Variants in KLF13 observed in about 807,000 individuals in gnomAD.
KLF13 encodes the protein Krueppel-like factor 13.
A neutral mutation model predicts 16.7 loss-of-function variants in KLF13; 8 were observed. The ratio of observed to expected loss-of-function variants is 0.48; its 90% CI spans 0.28 to 0.87. The LOEUF (loss-of-function observed/expected upper bound fraction) is 0.87, where lower values mean the gene tolerates loss of function less well. Ranked by LOEUF, KLF13 falls within the 40% of genes least tolerant of loss-of-function variation. The pLI is 0.10. For synonymous variants in KLF13, 245 were observed against 208.4 expected, an observed-to-expected ratio of 1.18 and a Z score of -1.51; for missense variants, 447 against 452.2, an observed-to-expected ratio of 0.99 and a Z score of 0.10.
intron 1 of KLF13, among the ~76,000 whole-genome samples, chr15:31,340,930 G>A (rs2039012014): frequency 6.6e-6 from 1 of 152,146 alleles, no homozygotes; most frequent in Non-Finnish European, 1.5e-5. Context: ...AGTGTTAAAG[G>A]AGTCCAAAAC....
intron 1 of KLF13, among the ~76,000 whole-genome samples, chr15:31,338,533 C>T (rs529190840): frequency 6.6e-5 from 10 of 152,314 alleles, no homozygotes; most frequent in South Asian, 2.1e-4. Flanking sequence ...ACTTAAAGGC[C>T]GGTCTCTACA....
At chr15:31,405,104 T>G (rs965782420), downstream of KLF13, among the ~76,000 whole-genome samples, 23 of 152,122 alleles carry the variant, frequency 1.5e-4, no homozygotes, top group African/African-American at 4.8e-4. Flanking sequence ...GAGGAAACTT[T>G]GGGAGGTGAC....
chr15:31,408,009 C>G (rs1276206904), downstream of KLF13, among the ~76,000 whole-genome samples: 1 of 152,110 alleles, frequency 6.6e-6, no homozygotes, highest in Non-Finnish European at 1.5e-5. Context: ...TCTATTATTA[C>G]TTAATATATT....
intron 1 of KLF13, among the ~76,000 whole-genome samples, chr15:31,431,297 A>G (rs1008959421): frequency 3.9e-5 from 6 of 152,126 alleles, no homozygotes; most frequent in Non-Finnish European, 7.3e-5. Flanking sequence ...TAAGCCATCC[A>G]GTGTGTGGTA....
chr15:31,418,520 A>G (rs577340034), intron 1 of KLF13, among the ~76,000 whole-genome samples: 175 of 152,284 alleles, frequency 1.1e-3, no homozygotes, highest in Non-Finnish European at 2.0e-3. Context: ...TGCACAAATA[A>G]CACTATCAAG....
At chr15:31,420,139 AGACCAT>A (rs1303378989) in intron 1 of KLF13, 2 of 454,110 alleles carry the variant, frequency 4.4e-6, no homozygotes, top group Admixed American at 2.9e-5. Flanking sequence ...TGGTCTCCCA[AGACCAT>A]AACCCAGCAG....
intron 1 of KLF13, among the ~76,000 whole-genome samples, chr15:31,410,621 AC>A (rs1566842504): frequency 1.4e-5 from 2 of 144,740 alleles, no homozygotes; most frequent in African/African-American, 2.6e-5. Flanking sequence ...ACACACACAC[AC>A]ACACCCCTAT....
At chr15:31,340,976 G>A (rs953470078) in intron 1 of KLF13, among the ~76,000 whole-genome samples, 1 of 152,188 alleles carries the variant, frequency 6.6e-6, no homozygotes, top group Admixed American at 6.5e-5. Context: ...GAGACCCAGC[G>A]CCCCTGTGCC....
chr15:31,405,316 A>G (rs2040109456), downstream of KLF13, among the ~76,000 whole-genome samples: 1 of 152,240 alleles, frequency 6.6e-6, no homozygotes, highest in African/African-American at 2.4e-5. Context: ...TCCGTCTCAA[A>G]AAAACAGAAG....
intron 1 of KLF13, among the ~76,000 whole-genome samples, chr15:31,351,067 A>G (rs1258995902): frequency 6.6e-6 from 1 of 152,216 alleles, no homozygotes; most frequent in Non-Finnish European, 1.5e-5. Context: ...GACCTGGCGC[A>G]GATTCTGAGT....
chr15:31,353,485 C>T (rs2039249340), intron 1 of KLF13, among the ~76,000 whole-genome samples: 1 of 152,228 alleles, frequency 6.6e-6, no homozygotes. Flanking sequence ...GGCCTGGTCC[C>T]ACCAGGGCTT....
chr15:31,335,485 G>C (rs1416527399), intron 1 of KLF13, among the ~76,000 whole-genome samples: 1 of 146,468 alleles, frequency 6.8e-6, no homozygotes, highest in South Asian at 2.2e-4. Context: ...GTATGGTGGC[G>C]GGGCAGGGGG....
intron 1 of KLF13, among the ~76,000 whole-genome samples, chr15:31,429,700 TTTA>T (rs2040447273): frequency 7.4e-3 from 3 of 408 alleles, no homozygotes; most frequent in Non-Finnish European, 0.015. Flanking sequence ...GATTCTTTTA[TTTA>T]TTTATTTATT....
At chr15:31,381,777 G>A (rs2039729664), downstream of KLF13, among the ~76,000 whole-genome samples, 3 of 152,194 alleles carry the variant, frequency 2.0e-5, no homozygotes, top group South Asian at 6.2e-4. Flanking sequence ...CAACTATTCA[G>A]CTTTAAAAAG....
chr15:31,368,550 A>T (rs1032857380), intron 1 of KLF13, among the ~76,000 whole-genome samples: 8 of 152,216 alleles, frequency 5.3e-5, no homozygotes, highest in Non-Finnish European at 7.3e-5. Context: ...AAACAAATAC[A>T]TAGGATTTTT....
intron 1 of KLF13, among the ~76,000 whole-genome samples, chr15:31,339,200 G>A (rs943577814): frequency 2.6e-5 from 4 of 152,144 alleles, no homozygotes; most frequent in African/African-American, 4.8e-5. Context: ...AGTGCTCCTG[G>A]CTAGAGAAGT....
At chr15:31,364,678 C>A (rs1339463816) in intron 1 of KLF13, among the ~76,000 whole-genome samples, 1 of 152,236 alleles carries the variant, frequency 6.6e-6, no homozygotes, top group African/African-American at 2.4e-5. Flanking sequence ...GCTTCCTTGC[C>A]CCAGGCAGGT....
downstream of KLF13, among the ~76,000 whole-genome samples, chr15:31,405,140 G>T (rs1399931392): frequency 1.3e-5 from 2 of 152,166 alleles, no homozygotes; most frequent in Non-Finnish European, 1.5e-5. Flanking sequence ...GAGCTCTCAT[G>T]AATGAGGTTA....
chr15:31,387,081 G>T (rs2039803771), intron 1 of KLF13, among the ~76,000 whole-genome samples: 1 of 152,192 alleles, frequency 6.6e-6, no homozygotes, highest in East Asian at 1.9e-4. Context: ...TTGTTGAAAT[G>T]ACAGCAAAGG....
Sources: allele counts gnomAD v4.1 joint callset (sites outside exome capture counted in the v4.1 genomes callset), GRCh38; gene constraint gnomAD v4.1.1; transcripts MANE v1.5; gene names NCBI Gene and HGNC (gene_info 2026-07-23, HGNC 2026-07-21).